Variants in NAA35 observed in about 807,000 individuals in gnomAD.
NAA35 encodes the protein MAK10 homolog, amino-acid N-acetyltransferase subunit.
NAA35 carries 18 observed loss-of-function variants against 101.7 expected under a neutral mutation model. The ratio of observed to expected loss-of-function variants is 0.18; its 90% CI spans 0.12 to 0.26. The LOEUF (loss-of-function observed/expected upper bound fraction) is 0.26, where lower values mean the gene tolerates loss of function less well. Among genes scored for constraint, NAA35 ranks in the 10% least tolerant of loss-of-function variants. The pLI is 1.00. For missense variants in NAA35, 601 were observed against 886.8 expected (o/e 0.68, Z 4.09); for synonymous variants, 267 against 273.1 (o/e 0.98, Z 0.22).
chr9:85,963,653 A>T (rs912012931), intron 6 of NAA35, among the ~76,000 whole-genome samples: 1 of 152,166 alleles, frequency 6.6e-6, no homozygotes, highest in Non-Finnish European at 1.5e-5. Flanking sequence ...TATGGGTATC[A>T]TTATGGAAAA....
intron 11 of NAA35, among the ~76,000 whole-genome samples, chr9:85,979,004 G>C (rs778599495): frequency 6.6e-6 from 1 of 152,070 alleles, no homozygotes; most frequent in Admixed American, 6.6e-5. Flanking sequence ...CAATAATAAT[G>C]AATCACCTTT....
At chr9:85,991,874 C>T (rs1587628477) in intron 11 of NAA35, among the ~76,000 whole-genome samples, 1 of 152,006 alleles carries the variant, frequency 6.6e-6, no homozygotes, top group Non-Finnish European at 1.5e-5. Flanking sequence ...CATAAGTGTC[C>T]TTCTAAAAGA....
intron 6 of NAA35, among the ~76,000 whole-genome samples, chr9:85,972,366 C>G (rs553176928): frequency 6.6e-6 from 1 of 151,336 alleles, no homozygotes; most frequent in Non-Finnish European, 1.5e-5. Context: ...AAATTTAGCC[C>G]GGTGTGGTGG....
intron 11 of NAA35, among the ~76,000 whole-genome samples, chr9:85,985,623 TAG>T (rs1830616180): frequency 6.6e-6 from 1 of 152,224 alleles, no homozygotes; most frequent in African/African-American, 2.4e-5. Context: ...CTAATGGGTA[TAG>T]AGTTTCTTCG....
Position 86,025,225 on chromosome 9 carries a change from C to T in NAA35, c.*3265C>T, listed in dbSNP as rs1391895957. ...ATCAGGAAAATAAGCAGAATGAGGGCCATATGCCGCTCAGAGGCCATTAAG... is the reference window on the plus strand; with the variant it reads ...ATCAGGAAAATAAGCAGAATGAGGGTCATATGCCGCTCAGAGGCCATTAAG... On this transcript the variant is annotated 3_prime_UTR_variant, in exon 23 of 23. Coordinates refer to ENST00000361671, the MANE Select transcript of NAA35 (RefSeq NM_024635.4). Among the ~76,000 whole-genome samples the T allele has an allele frequency of 2.0e-5, 3 of 152,090 alleles. No homozygotes were observed. The highest frequency in any genetic ancestry group is 2.9e-5 in the Non-Finnish European group (2 of 68,026).
intron 14 of NAA35, among the ~76,000 whole-genome samples, chr9:86,008,780 T>G (rs1043532278): frequency 1.3e-5 from 2 of 152,216 alleles, no homozygotes; most frequent in African/African-American, 4.8e-5. Flanking sequence ...CCTTTGTAAG[T>G]GATTTGAAAC....
intron 6 of NAA35, among the ~76,000 whole-genome samples, chr9:85,970,269 A>G (rs549297852): frequency 6.6e-6 from 1 of 152,346 alleles, no homozygotes; most frequent in South Asian, 2.1e-4. Flanking sequence ...GTATATCTAA[A>G]ATATTAATGT....
intron 2 of NAA35, among the ~76,000 whole-genome samples, chr9:85,945,710 G>C (rs1355155389): frequency 6.6e-6 from 1 of 151,982 alleles, no homozygotes; most frequent in East Asian, 1.9e-4. Context: ...TAGTAGAGAC[G>C]GGGTTTCACC....
intron 6 of NAA35, among the ~76,000 whole-genome samples, chr9:85,963,037 TGTAAG>T (rs1219124043): frequency 6.6e-6 from 1 of 152,098 alleles, no homozygotes; most frequent in African/African-American, 2.4e-5. Flanking sequence ...AAAAAAGAAT[TGTAAG>T]GGAAAATGTG....
At chr9:85,966,139 C>CT (rs1204197825) in intron 6 of NAA35, among the ~76,000 whole-genome samples, 2 of 151,992 alleles carry the variant, frequency 1.3e-5, no homozygotes, top group Non-Finnish European at 2.9e-5. Flanking sequence ...CTGGGTTTTG[C>CT]TTTGTTTGCC....
chr9:85,976,668 C>CT lies in NAA35; in HGVS notation c.628-11dup. ...TTTTTCAGGTTTGTGTTTAATTCAC[C>CT]TTTTTTAAAATTTTAGAGTACTCGA... On this transcript the variant is annotated splice_polypyrimidine_tract_variant and intron_variant, in intron 8 of 22. Transcript: ENST00000361671. The CT allele has an allele frequency of 2.6e-6, 4 of 1,555,370 alleles. No homozygotes were observed. Among genetic ancestry groups the CT allele is most frequent in the South Asian group, 2.4e-5 (2 of 82,010 alleles).
intron 20 of NAA35, 134 bp from the exon 21 acceptor site, chr9:86,018,565 A>G: frequency 1.5e-6 from 2 of 1,321,366 alleles, no homozygotes; most frequent in Non-Finnish European, 2.1e-6. Context: ...AAAAATAGGG[A>G]GATGTGCTGA....
chr9:86,005,082 C>T (rs576115396), intron 13 of NAA35, among the ~76,000 whole-genome samples: 1 of 152,010 alleles, frequency 6.6e-6, no homozygotes, highest in East Asian at 1.9e-4. Flanking sequence ...AAATCTTATT[C>T]CATGAACACA....
At chr9:86,018,150 C>A in intron 19 of NAA35, 105 bp from the exon 20 acceptor site, 1 of 1,006,248 alleles carries the variant, frequency 9.9e-7, no homozygotes, top group Non-Finnish European at 1.4e-6. Context: ...GAAGTGTTTG[C>A]TTGAAGGTTT....
chr9:86,013,212 CAAT>C, intron 16 of NAA35, 68 bp downstream of exon 16: 2 of 974,894 alleles, frequency 2.1e-6, no homozygotes, highest in Non-Finnish European at 3.0e-6. Context: ...TTTTTAAAAA[CAAT>C]AATTCAGAAC....
chr9:85,962,992 T>C (rs961036260), intron 6 of NAA35, among the ~76,000 whole-genome samples: 1 of 152,136 alleles, frequency 6.6e-6, no homozygotes, highest in African/African-American at 2.4e-5. Flanking sequence ...ACGCTGATAA[T>C]TTTCAGGGAA....
Position 85,966,127 on chromosome 9 carries a change from G to A in NAA35, c.516+3947G>A, listed in dbSNP as rs1386554355. On this transcript the variant is annotated intron_variant, in intron 6 of 22. Transcript: ENST00000361671. ...GCTAATTTTTAATTTTTTTTGTAAA[G>A]ACTGGGTTTTGCTTTGTTTGCCAGG... is the stretch of plus-strand genomic sequence containing the variant. 7.2e-5 allele frequency among the ~76,000 whole-genome samples: 11 copies of A among 152,152 alleles called. 1 individual carries two copies. The South Asian group carries it at 1.9e-3, about 26-fold the overall frequency.
chr9:85,953,577 C>T (rs1829114849), intron 2 of NAA35, among the ~76,000 whole-genome samples: 1 of 152,112 alleles, frequency 6.6e-6, no homozygotes, highest in African/African-American at 2.4e-5. Flanking sequence ...AGGCACCCAC[C>T]ACCATGCCTG....
rs143459663 is a variant in NAA35 at position 85,995,071 on chromosome 9, T to C, written c.878-1328T>C. ...TGTAATGACCATGTGCTATTGGTAA[T>C]ACTTTTCTGTTATTAGTAATGAAGA... On this transcript the variant is annotated intron_variant, in intron 11 of 22. Transcript: ENST00000361671. Among the ~76,000 whole-genome samples the C allele has an allele frequency of 7.2e-4, 109 of 152,196 alleles. 1 individual carries two copies. Among genetic ancestry groups the C allele is most frequent in the Admixed American group, 6.5e-4 (10 of 15,290 alleles).
Sources: gnomAD v4.1 joint callset for allele counts (sites outside exome capture counted in the v4.1 genomes callset) on GRCh38, gnomAD v4.1.1 for gene constraint, MANE v1.5 for transcripts, NCBI Gene and HGNC (gene_info 2026-07-23, HGNC 2026-07-21) for gene names.